Variants in MDGA2 observed in about 807,000 individuals in gnomAD.
The protein encoded by MDGA2 is MAM domain containing glycosylphosphatidylinositol anchor 2.
In MDGA2, 40 loss-of-function variants were observed where a neutral mutation model predicts 117.8. That is an observed-to-expected ratio of 0.34 (90% confidence interval 0.26 to 0.44). MDGA2 has a LOEUF of 0.44. Ranked by LOEUF, MDGA2 falls within the 20% of genes least tolerant of loss-of-function variation. MDGA2 has a pLI of 1.00. For missense variants in MDGA2, 1,123 were observed against 1,250.6 expected, an observed-to-expected ratio of 0.90 and a Z score of 1.54; for synonymous variants, 452 against 439.0, an observed-to-expected ratio of 1.03 and a Z score of -0.37.
intron 1 of MDGA2, among the ~76,000 whole-genome samples, chr14:47,510,038 G>A (rs1478469900): frequency 6.6e-6 from 1 of 152,132 alleles, no homozygotes; most frequent in African/African-American, 2.4e-5. Context: ...TGATATTTGT[G>A]TCTCATGAAA....
intron 8 of MDGA2, among the ~76,000 whole-genome samples, chr14:47,027,185 T>C (rs905990897): frequency 6.6e-6 from 1 of 151,818 alleles, no homozygotes; most frequent in Non-Finnish European, 1.5e-5. Flanking sequence ...AAAAAACCTA[T>C]AAAATAAATT....
At chr14:47,256,760 A>G (rs1489258508) in intron 2 of MDGA2, among the ~76,000 whole-genome samples, 2 of 152,116 alleles carry the variant, frequency 1.3e-5, no homozygotes, top group African/African-American at 4.8e-5. Context: ...ACAAATCATA[A>G]AATGGTAATT....
chr14:47,631,018 CTT>C (rs1223709501), intron 1 of MDGA2, among the ~76,000 whole-genome samples: 1 of 152,168 alleles, frequency 6.6e-6, no homozygotes. Context: ...AAGACAGCTC[CTT>C]TTTTCCTCTG....
At chr14:47,345,836 G>C (rs1278485627) in intron 1 of MDGA2, among the ~76,000 whole-genome samples, 2 of 152,028 alleles carry the variant, frequency 1.3e-5, no homozygotes, top group Non-Finnish European at 2.9e-5. Flanking sequence ...TAAGTGAGTG[G>C]AGTCAAAAGT....
chr14:47,574,684 T>C (rs1896084014), intron 1 of MDGA2, among the ~76,000 whole-genome samples: 1 of 152,180 alleles, frequency 6.6e-6, no homozygotes, highest in Non-Finnish European at 1.5e-5. Context: ...CAGTGCTTAT[T>C]ATGAATGAGA....
intron 1 of MDGA2, among the ~76,000 whole-genome samples, chr14:47,452,390 G>A (rs946641998): frequency 6.6e-6 from 1 of 152,016 alleles, no homozygotes; most frequent in African/African-American, 2.4e-5. Flanking sequence ...CATGACAAAA[G>A]TAAATCCTAT....
At chr14:47,443,350 C>T (rs1343566549) in intron 1 of MDGA2, among the ~76,000 whole-genome samples, 13 of 151,926 alleles carry the variant, frequency 8.6e-5, no homozygotes, top group Admixed American at 7.9e-4. Context: ...CAATTGTGTT[C>T]GGTACTATCC....
intron 2 of MDGA2, among the ~76,000 whole-genome samples, chr14:47,220,112 C>T (rs762823391): frequency 3.5e-4 from 53 of 152,110 alleles, no homozygotes; most frequent in Middle Eastern, 3.4e-3. Flanking sequence ...AAAATTTTTC[C>T]TCCCTTTTTA....
intron 1 of MDGA2, among the ~76,000 whole-genome samples, chr14:47,609,428 C>CATTCATAT (rs1896799882): frequency 5.7e-5 from 1 of 17,558 alleles, no homozygotes; most frequent in Non-Finnish European, 1.4e-4. Context: ...AGTATTCCAT[C>CATTCATAT]ATATATATAT....
intron 3 of MDGA2, among the ~76,000 whole-genome samples, chr14:47,209,410 G>T (rs1017186230): frequency 9.9e-5 from 15 of 152,210 alleles, no homozygotes; most frequent in Non-Finnish European, 1.8e-4. Context: ...GGACCTAAAG[G>T]CAGTAGGAAC....
intron 3 of MDGA2, among the ~76,000 whole-genome samples, chr14:47,208,313 T>C (rs1459554086): frequency 6.6e-6 from 1 of 152,030 alleles, no homozygotes; most frequent in African/African-American, 2.4e-5. Flanking sequence ...TATAATGTAT[T>C]CTGAATACAT....
intron 9 of MDGA2, among the ~76,000 whole-genome samples, chr14:46,923,736 T>C (rs10149215): frequency 0.63 from 95,865 of 151,760 alleles, 30,906 homozygotes; most frequent in African/African-American, 0.76. Context: ...TTTTTTGAAA[T>C]GAGACACACT....
chr14:47,073,101 C>T (rs1890354143), intron 6 of MDGA2, among the ~76,000 whole-genome samples: 1 of 152,112 alleles, frequency 6.6e-6, no homozygotes, highest in Non-Finnish European at 1.5e-5. Flanking sequence ...GTTGAGGGCT[C>T]AATATTAAGC....
intron 7 of MDGA2, among the ~76,000 whole-genome samples, chr14:47,036,032 T>A (rs890467389): frequency 5.3e-5 from 8 of 151,918 alleles, no homozygotes; most frequent in African/African-American, 1.9e-4. Flanking sequence ...CACTTTGGGA[T>A]AATGAGGCAG....
At chr14:47,160,856 G>T (rs943123530) in intron 3 of MDGA2, among the ~76,000 whole-genome samples, 1 of 152,076 alleles carries the variant, frequency 6.6e-6, no homozygotes, top group African/African-American at 2.4e-5. Context: ...AACTTTAAAA[G>T]CAAATTTTTT....
chr14:47,410,004 C>T (rs17118559), intron 1 of MDGA2, among the ~76,000 whole-genome samples: 4,442 of 152,220 alleles, frequency 0.029, 239 homozygotes, highest in African/African-American at 0.1. Context: ...GCACCACAAT[C>T]ATTACAGGCT....
intron 8 of MDGA2, chr14:46,996,338 A>T (rs1887290635): frequency 6.6e-6 from 1 of 152,218 alleles, no homozygotes; most frequent in Non-Finnish European, 1.5e-5. Context: ...GGTGTCTTGG[A>T]AACCCACCAG....
intron 2 of MDGA2, among the ~76,000 whole-genome samples, chr14:47,245,350 T>A (rs938055816): frequency 6.6e-6 from 1 of 151,866 alleles, no homozygotes; most frequent in African/African-American, 2.4e-5. Context: ...ACATACAACA[T>A]ACAAAATATG....
chr14:47,666,173 CT>C (rs1228218552), intron 1 of MDGA2, among the ~76,000 whole-genome samples: 2 of 151,110 alleles, frequency 1.3e-5, no homozygotes, highest in Non-Finnish European at 3.0e-5. Context: ...AATCGGCACT[CT>C]GTATCTAGCT....
Sources: allele counts gnomAD v4.1 joint callset (sites outside exome capture counted in the v4.1 genomes callset), GRCh38; gene constraint gnomAD v4.1.1; transcripts MANE v1.5; gene names NCBI Gene and HGNC (gene_info 2026-07-23, HGNC 2026-07-21).